TENM2: variants seen among roughly 807,000 people sequenced by gnomAD.
TENM2 encodes the protein teneurin-2.
Under a neutral mutation model 245.2 loss-of-function variants are expected in TENM2, and 52 were observed. The observed-to-expected ratio is 0.21, with a 90% CI of 0.17 to 0.27. The LOEUF is 0.27. Ranked by LOEUF, TENM2 falls within the 10% of genes least tolerant of loss-of-function variation. TENM2 has a pLI of 1.00. For synonymous variants in TENM2, 1,363 were observed against 1,438.9 expected (o/e 0.95, Z 1.19); for missense variants, 3,046 against 3,666.8 (o/e 0.83, Z 4.37).
At chr5:167,992,308 T>C (rs1382733040) in intron 4 of TENM2, among the ~76,000 whole-genome samples, 4 of 151,946 alleles carry the variant, frequency 2.6e-5, no homozygotes, top group Admixed American at 6.6e-5. Flanking sequence ...AAAGAAAAAA[T>C]TAAAAATTTT....
intron 2 of TENM2, chr5:167,755,001 T>C (rs1240708693): frequency 1.9e-6 from 3 of 1,572,422 alleles, no homozygotes; most frequent in African/African-American, 1.3e-5. Flanking sequence ...GTGATTTTTC[T>C]GTAGTTAGAG....
intron 12 of TENM2, among the ~76,000 whole-genome samples, chr5:168,143,736 G>T (rs1323823316): frequency 2.0e-5 from 3 of 151,892 alleles, no homozygotes; most frequent in Non-Finnish European, 4.4e-5. Flanking sequence ...GTGTAGAAAG[G>T]CTGAAAGGAG....
At chr5:167,900,111 T>TAAAAAAAA (rs71853736) in intron 3 of TENM2, among the ~76,000 whole-genome samples, 10 of 43,464 alleles carry the variant, frequency 2.3e-4, no homozygotes, top group African/African-American at 3.6e-4. Context: ...CTCAACCCAC[T>TAAAAAAAA]AAAAAAAAAA....
chr5:167,075,065 A>G, the TENM2 span, among the ~76,000 whole-genome samples: 1 of 152,182 alleles, frequency 6.6e-6, no homozygotes, highest in Admixed American at 6.5e-5. Context: ...TAGGAAATCC[A>G]TTATAAATGC....
At chr5:167,812,071 A>G (rs1169387900) in intron 2 of TENM2, among the ~76,000 whole-genome samples, 1 of 152,202 alleles carries the variant, frequency 6.6e-6, no homozygotes, top group East Asian at 1.9e-4. Flanking sequence ...ATTATACCCA[A>G]TGTTTAAAAA....
At chr5:167,609,519 C>CAAAAAAAAAAAAAT (rs1171421408) in intron 2 of TENM2, among the ~76,000 whole-genome samples, 34 of 128,964 alleles carry the variant, frequency 2.6e-4, no homozygotes, top group African/African-American at 7.1e-4. Flanking sequence ...AAAACAAAAC[C>CAAAAAAAAAAAAAT]TTACCTAGAA....
intron 13 of TENM2, among the ~76,000 whole-genome samples, chr5:168,171,092 A>G (rs2152470134): frequency 6.6e-6 from 1 of 152,366 alleles, no homozygotes; most frequent in Middle Eastern, 3.4e-3. Context: ...ACATTGTATC[A>G]CTGGCTCAAT....
intron 2 of TENM2, among the ~76,000 whole-genome samples, chr5:167,589,261 G>A (rs1775717988): frequency 6.6e-6 from 1 of 151,414 alleles, no homozygotes; most frequent in South Asian, 2.1e-4. Flanking sequence ...ATTTACCATT[G>A]TCACAAAGCC....
chr5:167,084,181 C>T, the TENM2 span, among the ~76,000 whole-genome samples: 94,586 of 150,104 alleles, frequency 0.63, 32,211 homozygotes, highest in African/African-American at 0.91. Flanking sequence ...CTCAAGTTCC[C>T]TGAACAGTGA....
chr5:167,498,947 C>G (rs956719187), intron 2 of TENM2, among the ~76,000 whole-genome samples: 1 of 152,054 alleles, frequency 6.6e-6, no homozygotes, highest in Middle Eastern at 3.2e-3. Flanking sequence ...TTAAGAACTG[C>G]ATTTACAATG....
At chr5:167,972,415 T>C (rs1781858703) in intron 4 of TENM2, among the ~76,000 whole-genome samples, 1 of 152,230 alleles carries the variant, frequency 6.6e-6, no homozygotes, top group Non-Finnish European at 1.5e-5. Context: ...TTGTTTAAAG[T>C]CCGTGTAATA....
the TENM2 span, among the ~76,000 whole-genome samples, chr5:167,203,382 C>T: frequency 6.6e-6 from 1 of 152,196 alleles, no homozygotes; most frequent in Non-Finnish European, 1.5e-5. Flanking sequence ...ACCACATACT[C>T]TCTCTGGAAT....
At chr5:168,128,211 C>G (rs916574449) in intron 12 of TENM2, among the ~76,000 whole-genome samples, 1 of 152,214 alleles carries the variant, frequency 6.6e-6, no homozygotes, top group African/African-American at 2.4e-5. Flanking sequence ...TGCAATCTCT[C>G]GATGACGCTC....
chr5:167,216,965 A>G, the TENM2 span, among the ~76,000 whole-genome samples: 2 of 152,116 alleles, frequency 1.3e-5, no homozygotes, highest in African/African-American at 2.4e-5. Context: ...ATGAAACTGT[A>G]TGTATGTGAT....
chr5:167,588,358 T>G (rs141839110), intron 2 of TENM2, among the ~76,000 whole-genome samples: 15 of 152,342 alleles, frequency 9.8e-5, no homozygotes, highest in Admixed American at 2.6e-4. Context: ...TGCATCACAT[T>G]TCTCCTTAAT....
chr5:168,115,292 C>CA (rs1562176708), intron 9 of TENM2, among the ~76,000 whole-genome samples: 1 of 121,452 alleles, frequency 8.2e-6, no homozygotes, highest in Non-Finnish European at 1.6e-5. Flanking sequence ...GGCTCTGTCT[C>CA]AAAAAAAGAA....
At chr5:168,006,920 G>A (rs1454592731) in intron 5 of TENM2, among the ~76,000 whole-genome samples, 1 of 152,188 alleles carries the variant, frequency 6.6e-6, no homozygotes, top group African/African-American at 2.4e-5. Context: ...CTGGGTGCCT[G>A]CCAGGGATGA....
At chr5:167,828,833 G>A (rs1242154909) in intron 2 of TENM2, among the ~76,000 whole-genome samples, 1 of 152,188 alleles carries the variant, frequency 6.6e-6, no homozygotes, top group African/African-American at 2.4e-5. Flanking sequence ...GGGAATTGAT[G>A]ATTAAAGATA....
intron 2 of TENM2, among the ~76,000 whole-genome samples, chr5:167,690,781 G>A (rs1276329655): frequency 3.3e-5 from 5 of 151,716 alleles, no homozygotes; most frequent in African/African-American, 1.2e-4. Context: ...AAAACATTTT[G>A]TCACCGCTTA....
Sources: allele counts gnomAD v4.1 joint callset (sites outside exome capture counted in the v4.1 genomes callset), GRCh38; gene constraint gnomAD v4.1.1; transcripts MANE v1.5; gene names NCBI Gene and HGNC (gene_info 2026-07-23, HGNC 2026-07-21).